The following TLCD3B variants were observed in gnomAD, a reference collection of about 807,000 sequenced individuals.
The protein encoded by TLCD3B is ceramide synthase.
TLCD3B carries 9 observed loss-of-function variants against 23.0 expected under a neutral mutation model. That is an observed-to-expected ratio of 0.39 (90% CI 0.24 to 0.68). The LOEUF (loss-of-function observed/expected upper bound fraction) is 0.68, where lower values mean the gene tolerates loss of function less well. TLCD3B is among the 30% of genes least tolerant of loss of function. The pLI is 0.44. For missense variants in TLCD3B, 307 were observed against 371.8 expected (o/e 0.83, Z 1.43); for synonymous variants, 161 against 161.0 (o/e 1.00, Z 0.00).
rs1352468328 is a variant in TLCD3B, at chr16:30,040,143, A to ATATAT, written c.-67+851_-67+852insATATA. On this transcript the variant is annotated intron_variant, in intron 3 of 6. Coordinates refer to the TLCD3B transcript ENST00000561666. ...AGCAAGACTTTGTCTCAAAAAAAAA[A>ATATAT]AAAAATATATATATATATATATATA... Among the ~76,000 whole-genome samples, 627 of 103,456 alleles carry ATATAT rather than the reference A, an allele frequency of 6.1e-3. 7 individuals carry two copies. The highest frequency in any genetic ancestry group is 0.023 in the African/African-American group (606 of 26,516). The allele number at this position is 103,456 out of a possible 152,430, so 67.9% of individuals were successfully genotyped here.
intron 2 of TLCD3B, among the ~76,000 whole-genome samples, chr16:30,042,942 C>CA (rs1021436378): frequency 7.3e-5 from 11 of 151,428 alleles, no homozygotes; most frequent in African/African-American, 1.5e-4. Context: ...ACTAAAAATA[C>CA]AAAAAAAATT....
chr16:30,051,635 G>A (rs991772733), intron 1 of TLCD3B, among the ~76,000 whole-genome samples: 3 of 152,124 alleles, frequency 2.0e-5, no homozygotes, highest in Non-Finnish European at 4.4e-5. Flanking sequence ...CTCAGGATAC[G>A]GAGATGACTC....
At chr16:30,036,501 C>T (rs1034602235) in intron 3 of TLCD3B, 3 of 1,050,808 alleles carry the variant, frequency 2.9e-6, no homozygotes, top group Non-Finnish European at 3.7e-6. Context: ...TCCAAGGGAC[C>T]TTCTCGGGAT....
At chr16:30,037,406 G>T (rs889760704) in intron 3 of TLCD3B, among the ~76,000 whole-genome samples, 1 of 152,014 alleles carries the variant, frequency 6.6e-6, no homozygotes, top group African/African-American at 2.4e-5. Flanking sequence ...AGCCAGGCGC[G>T]TTGGCGGGCG....
In TLCD3B at chr16:30,026,615, G is replaced by C. The variant is rs2071150206; in HGVS notation, c.438C>G (p.Leu146=). The C allele has an allele frequency of 6.2e-7, 1 of 1,613,000 alleles. No homozygotes were observed. ...CCAGCTCCCCGGGACTCACCACTGA[G>C]AGTGGGAAGCACACCAGCACCATGG... ...HAAMVLVCFP[L]SVVWRQGKGD... The change falls in exon 3 of 5, where the codon CTC becomes CTG. Residue 146 remains leucine (L), a synonymous_variant. Transcript: ENST00000380495.
chr16:30,026,361 G>A (rs2071132983), intron 3 of TLCD3B, among the ~76,000 whole-genome samples: 2 of 152,188 alleles, frequency 1.3e-5, no homozygotes, highest in Non-Finnish European at 1.5e-5. Flanking sequence ...GAGGCTCAGA[G>A]ACGTGCAACC....
At chr16:30,032,642 GTTT>G (rs560203961), upstream of TLCD3B, 45 of 98,558 alleles carry the variant, frequency 4.6e-4, no homozygotes, top group African/African-American at 1.6e-3. Flanking sequence ...ATTTTGTGGG[GTTT>G]TTTTTTTTTT....
At chr16:30,046,651 T>C (rs890021080) in intron 1 of TLCD3B, 1 of 152,262 alleles carries the variant, frequency 6.6e-6, no homozygotes, top group Admixed American at 6.5e-5. Flanking sequence ...CAGCAGGTGA[T>C]TGGAGTCAGA....
At position 30,029,562 on chromosome 16, in the gene TLCD3B, G is replaced by A. The variant is rs371966237; in HGVS notation, c.126-47C>T. ...GCTAGAAAGGCAGAAGGGAAGAGGCGTGTGCCTTGATTTCTCCTCGTTGCT... is the reference window on the plus strand; with the variant it reads ...GCTAGAAAGGCAGAAGGGAAGAGGCATGTGCCTTGATTTCTCCTCGTTGCT... On this transcript the variant is annotated intron_variant, in intron 1 of 4. Transcript: ENST00000380495. The surrounding 1 kb of genome is among the most constrained non-coding windows in gnomAD (Gnocchi z 4.6). The A allele has an allele frequency of 2.6e-5, 38 of 1,485,796 alleles. No homozygotes were observed. The highest frequency in any genetic ancestry group is 3.5e-5 in the Admixed American group (2 of 57,186). The allele number at this position is 1,485,796 out of a possible 1,614,324, so 92.0% of individuals were successfully genotyped here.
At chr16:30,028,960 T>C (rs1179114609) in intron 2 of TLCD3B, among the ~76,000 whole-genome samples, 1 of 152,196 alleles carries the variant, frequency 6.6e-6, no homozygotes, top group Non-Finnish European at 1.5e-5. Flanking sequence ...CCTCCCGCAC[T>C]GCCTGGCCGT....
At chr16:30,027,074 C>T (rs2038119759) in intron 2 of TLCD3B, 1 of 649,878 alleles carries the variant, frequency 1.5e-6, no homozygotes, top group Admixed American at 2.1e-5. Flanking sequence ...ACCCATGTTC[C>T]TCTCTCTCTG....
chr16:30,027,738 A>T, intron 2 of TLCD3B: 1 of 446,190 alleles, frequency 2.2e-6, no homozygotes, highest in Non-Finnish European at 4.5e-6. Flanking sequence ...GAGTCAGCAC[A>T]TTGGCAGTTT....
chr16:30,050,112 C>T (rs2071728348), intron 1 of TLCD3B, among the ~76,000 whole-genome samples: 2 of 152,262 alleles, frequency 1.3e-5, no homozygotes, highest in South Asian at 2.1e-4. Context: ...AGGCCACGGA[C>T]GTGTCCAGGG....
intron 2 of TLCD3B, among the ~76,000 whole-genome samples, chr16:30,042,924 C>A (rs2071600196): frequency 6.6e-6 from 1 of 151,904 alleles, no homozygotes; most frequent in East Asian, 1.9e-4. Flanking sequence ...TGGTGAAAGC[C>A]CATTTCTACT....
intron 1 of TLCD3B, among the ~76,000 whole-genome samples, chr16:30,050,169 T>A (rs766640047): frequency 3.3e-5 from 5 of 152,140 alleles, no homozygotes; most frequent in Non-Finnish European, 7.4e-5. Context: ...ATGCAGAATA[T>A]GTGTTCCTGG....
chr16:30,025,056 C>A lies in TLCD3B; in HGVS notation c.*127G>T. ...CCGAGAGATGGGGCCTCTTCCCTTT[C>A]GGGGTCATCGTCAGTCCTGGGGTTG... On this transcript the variant is annotated 3_prime_UTR_variant, in exon 5 of 5. Transcript: ENST00000380495. This position sits in a 1 kb window ranked among gnomAD's most constrained non-coding sequence, Gnocchi z 4.1. 3.2e-6 allele frequency: 2 copies of A among 629,752 alleles called. No homozygotes were observed. The highest frequency in any genetic ancestry group is 5.2e-6 in the Non-Finnish European group (2 of 383,718). 39.0% of individuals were successfully genotyped at this position (629,752 alleles called of 1,614,324 possible).
chr16:30,026,963 A>G, intron 2 of TLCD3B, 120 bp from the exon 3 acceptor site: 1 of 795,708 alleles, frequency 1.3e-6, no homozygotes. Flanking sequence ...GGTACAGATG[A>G]GGGATCCAGA....
Position 30,025,209 on chromosome 16 carries a change from G to A in TLCD3B, c.799C>T (p.Pro267Ser), listed in dbSNP as rs1358746856. The A allele has an allele frequency of 1.3e-6, 2 of 1,492,710 alleles. No individual in the cohort carries two copies. The highest frequency in any genetic ancestry group is 2.7e-5 in the South Asian group (2 of 74,780). 92.5% of individuals were successfully genotyped at this position (1,492,710 alleles called of 1,614,324 possible). A position where few individuals can be genotyped will look rare whatever the true frequency, so the allele number is the denominator to read the frequency against. ...CAGTCCTGGGCCTGGCAGGCCGGGGGCGGCCGGGAGCGGGGCCAGAAGAGG... is the reference window on the plus strand; with the variant it reads ...CAGTCCTGGGCCTGGCAGGCCGGGGACGGCCGGGAGCGGGGCCAGAAGAGG... ...CRLFWPRSRPPPACQAQD is the reference protein window; with the variant it reads ...CRLFWPRSRPSPACQAQD The change falls in exon 5 of 5, where the codon CCC becomes TCC. Residue 267 changes from proline (P) to serine (S), a missense_variant. Coordinates refer to ENST00000380495, the MANE Select transcript of TLCD3B (RefSeq NM_031478.6). The surrounding 1 kb of genome is among the most constrained non-coding windows in gnomAD (Gnocchi z 4.1).
At chr16:30,052,712 A>C (rs2071785869) in intron 1 of TLCD3B, 1 of 150,698 alleles carries the variant, frequency 6.6e-6, no homozygotes, top group South Asian at 2.1e-4. Context: ...TAAATAAATA[A>C]ATAAATAAAT....
Sources: allele counts gnomAD v4.1 joint callset (sites outside exome capture counted in the v4.1 genomes callset), GRCh38; gene constraint gnomAD v4.1.1; non-coding constraint Gnocchi (gnomAD v3.1); transcripts MANE v1.5; gene names NCBI Gene and HGNC (gene_info 2026-07-23, HGNC 2026-07-21).